Variants in RAPGEF5 observed in about 807,000 individuals in gnomAD.
RAPGEF5 encodes Rap guanine nucleotide exchange factor 5.
Under a neutral mutation model 125.2 loss-of-function variants are expected in RAPGEF5, and 65 were observed. The observed-to-expected ratio is 0.52, with a 90% confidence interval of 0.43 to 0.64. The LOEUF (loss-of-function observed/expected upper bound fraction) is 0.64. Ranked by LOEUF, RAPGEF5 falls within the 30% of genes least tolerant of loss-of-function variation. The pLI is 0.00. For missense variants in RAPGEF5, 958 were observed against 1,048.1 expected (o/e 0.91, Z 1.19); for synonymous variants, 391 against 385.9 (o/e 1.01, Z -0.16).
chr7:22,166,132 T>G lies in RAPGEF5; in HGVS notation c.1283+938A>C, dbSNP rs370720102. On this transcript the variant is annotated intron_variant, in intron 12 of 25. Transcript: ENST00000665637. ...TTTTAGAGATGGGGTCTCACTATGT[T>G]GCCCAGCTGCTCTTGAACTCCTGGA... Among the ~76,000 whole-genome samples, 76 of 149,604 alleles carry G rather than the reference T, an allele frequency of 5.1e-4. 2 individuals carry two copies. The South Asian group carries it at 0.016, about 31-fold the overall frequency.
chr7:22,274,913 A>G (rs748584071), intron 6 of RAPGEF5, among the ~76,000 whole-genome samples: 17 of 152,226 alleles, frequency 1.1e-4, no homozygotes, highest in African/African-American at 3.9e-4. Flanking sequence ...ACAGAGTCCA[A>G]TGTCTGATAC....
intron 11 of RAPGEF5, among the ~76,000 whole-genome samples, chr7:22,173,825 C>A (rs535211902): frequency 1.7e-5 from 2 of 116,164 alleles, no homozygotes; most frequent in Admixed American, 9.8e-5. Context: ...GAGCGGTGAG[C>A]GGCCTCATAG....
At chr7:22,321,103 A>C (rs1210377509) in intron 1 of RAPGEF5, among the ~76,000 whole-genome samples, 1 of 152,332 alleles carries the variant, frequency 6.6e-6, no homozygotes, top group East Asian at 1.9e-4. Flanking sequence ...TAATAACATA[A>C]ATGAAAATAG....
At position 22,350,399 on chromosome 7, in the gene RAPGEF5, T is replaced by C. The variant is rs149266818; in HGVS notation, c.231+6431A>G. Among the ~76,000 whole-genome samples, 246 of 152,358 alleles carry C rather than the reference T, an allele frequency of 1.6e-3. 2 individuals carry two copies. The highest frequency in any genetic ancestry group is 5.4e-3 in the African/African-American group (223 of 41,584). ...ACATTGCATATGAAAGCAAAAATGT[T>C]TGTGTCTAGATTTCTATAAATATGT... On this transcript the variant is annotated intron_variant, in intron 1 of 25. Coordinates refer to ENST00000665637, the MANE Select transcript of RAPGEF5 (RefSeq NM_012294.5).
intron 7 of RAPGEF5, among the ~76,000 whole-genome samples, chr7:22,232,852 C>A (rs1022122851): frequency 3.3e-5 from 5 of 152,138 alleles, no homozygotes; most frequent in Admixed American, 2.6e-4. Flanking sequence ...TAAGCTACTT[C>A]TTTTGTAACT....
At chr7:22,259,696 T>A (rs1163525044) in intron 7 of RAPGEF5, among the ~76,000 whole-genome samples, 1 of 152,248 alleles carries the variant, frequency 6.6e-6, no homozygotes, top group East Asian at 1.9e-4. Flanking sequence ...GAAAAGATTC[T>A]GAATGCATAT....
At chr7:22,179,338 C>T (rs1253549972) in intron 11 of RAPGEF5, among the ~76,000 whole-genome samples, 16 of 152,074 alleles carry the variant, frequency 1.1e-4, no homozygotes, top group Non-Finnish European at 1.5e-5. Context: ...AATTCTCAAA[C>T]ATGAAATCAA....
At chr7:22,147,057 C>T (rs1178206956) in intron 18 of RAPGEF5, 38 bp from the exon 19 acceptor site, 1 of 1,605,238 alleles carries the variant, frequency 6.2e-7, no homozygotes, top group African/African-American at 1.3e-5. Context: ...CAGTAATTCC[C>T]AAATGTTTTG....
At chr7:22,240,729 A>C (rs1261053135) in intron 7 of RAPGEF5, among the ~76,000 whole-genome samples, 5 of 152,100 alleles carry the variant, frequency 3.3e-5, no homozygotes, top group Admixed American at 3.3e-4. Flanking sequence ...ATACAGATTC[A>C]GGTCAATCTG....
intron 9 of RAPGEF5, among the ~76,000 whole-genome samples, chr7:22,214,831 A>C (rs1167607625): frequency 1.3e-5 from 2 of 152,066 alleles, no homozygotes; most frequent in Non-Finnish European, 2.9e-5. Context: ...TCCAGTGATG[A>C]AGGCTGAAGG....
chr7:22,136,644 A>C (rs532420377), intron 22 of RAPGEF5, among the ~76,000 whole-genome samples: 1 of 152,220 alleles, frequency 6.6e-6, no homozygotes, highest in Non-Finnish European at 1.5e-5. Flanking sequence ...TGCTAAATTT[A>C]TACTGATTAA....
chr7:22,134,399 T>C (rs1334685696), intron 23 of RAPGEF5, among the ~76,000 whole-genome samples: 1 of 152,180 alleles, frequency 6.6e-6, no homozygotes, highest in Non-Finnish European at 1.5e-5. Context: ...AGTAAATGTG[T>C]TTTCAGTAAA....
At position 22,162,507 on chromosome 7, in the gene RAPGEF5, T is replaced by A; in HGVS notation, c.1318A>T (p.Asn440Tyr). Residue 440 changes from asparagine to tyrosine, a missense_variant, in exon 13 of 26, where the codon AAC becomes TAC. Coordinates refer to ENST00000665637, the MANE Select transcript of RAPGEF5 (RefSeq NM_012294.5). Reference protein sequence around the residue: ...SAKKYQGKEENSDVPRRKRKV... With the variant: ...SAKKYQGKEEYSDVPRRKRKV... ...CGTTTCCTACGCGGAACGTCTGAGT[T>A]TTCCTCTTTGCCTTGATACTTCTTA... The A allele has an allele frequency of 6.2e-7, 1 of 1,610,142 alleles. No individual in the cohort carries two copies. The highest frequency in any genetic ancestry group is 1.1e-5 in the South Asian group (1 of 90,982).
intron 8 of RAPGEF5, among the ~76,000 whole-genome samples, chr7:22,226,425 A>T (rs1003857888): frequency 6.6e-5 from 10 of 152,304 alleles, no homozygotes; most frequent in South Asian, 4.1e-4. Context: ...AAATATTAAG[A>T]ATTTTTTTCC....
intron 7 of RAPGEF5, among the ~76,000 whole-genome samples, chr7:22,257,403 C>T (rs182875872): frequency 2.0e-4 from 30 of 152,280 alleles, no homozygotes; most frequent in Admixed American, 1.8e-3. Context: ...AAGAAGTTTA[C>T]CTTTCTCTGA....
intron 11 of RAPGEF5, among the ~76,000 whole-genome samples, chr7:22,191,073 T>C (rs1228623548): frequency 6.6e-6 from 1 of 152,232 alleles, no homozygotes; most frequent in Non-Finnish European, 1.5e-5. Flanking sequence ...GGGCCTTTGA[T>C]AATGAGGGTT....
At chr7:22,315,911 T>G (rs921119423) in intron 2 of RAPGEF5, among the ~76,000 whole-genome samples, 1 of 152,124 alleles carries the variant, frequency 6.6e-6, no homozygotes, top group East Asian at 1.9e-4. Flanking sequence ...AAAAACAATT[T>G]TCTTCCCTAT....
rs545938040 is a variant in RAPGEF5 at position 22,145,285 on chromosome 7, G to T, written c.2008-63C>A. On this transcript the variant is annotated intron_variant, in intron 19 of 25. Coordinates refer to ENST00000665637, the MANE Select transcript of RAPGEF5 (RefSeq NM_012294.5). ...GCAAAGTATGGTTGATACAAAACTC[G>T]GTCAAATTTTAAGAGCTACTTCAGG... The T allele has an allele frequency of 2.4e-5, 35 of 1,476,610 alleles. No individual in the cohort carries two copies. In the South Asian group the frequency reaches 4.4e-4, roughly 19 times the overall value. 91.5% of individuals were successfully genotyped at this position (1,476,610 alleles called of 1,614,324 possible). A position where few individuals can be genotyped will look rare whatever the true frequency, so the allele number is the denominator to read the frequency against.
intron 19 of RAPGEF5, among the ~76,000 whole-genome samples, chr7:22,146,192 C>G (rs1783435195): frequency 6.6e-6 from 1 of 152,160 alleles, no homozygotes; most frequent in African/African-American, 2.4e-5. Context: ...GAGGTTCCTT[C>G]TTCAGAAGGA....
Sources: gnomAD v4.1 joint callset for allele counts (sites outside exome capture counted in the v4.1 genomes callset) on GRCh38, gnomAD v4.1.1 for gene constraint, MANE v1.5 for transcripts, NCBI Gene and HGNC (gene_info 2026-07-23, HGNC 2026-07-21) for gene names.